Variants in PRKAG2 observed in about 807,000 individuals in gnomAD.
The protein encoded by PRKAG2 is protein kinase AMP-activated non-catalytic subunit gamma 2.
PRKAG2 carries 26 observed loss-of-function variants against 69.6 expected under a neutral mutation model. The ratio of observed to expected loss-of-function variants is 0.37; its 90% CI spans 0.27 to 0.52. PRKAG2 has a LOEUF of 0.52. PRKAG2 is among the 20% of genes least tolerant of loss of function. The pLI is 0.90. For synonymous variants in PRKAG2, 293 were observed against 285.0 expected (o/e 1.03, Z -0.28); for missense variants, 557 against 740.0 (o/e 0.75, Z 2.87).
chr7:151,647,406 A>G (rs1441918476), intron 4 of PRKAG2, among the ~76,000 whole-genome samples: 1 of 152,250 alleles, frequency 6.6e-6, no homozygotes, highest in Non-Finnish European at 1.5e-5. Context: ...ATTAGGTGAC[A>G]GTTATAATTG....
intron 3 of PRKAG2, among the ~76,000 whole-genome samples, chr7:151,722,945 T>G (rs1797353596): frequency 6.6e-6 from 1 of 152,086 alleles, no homozygotes; most frequent in African/African-American, 2.4e-5. Flanking sequence ...CCTCTTTTCT[T>G]AGGTCTCTGC....
chr7:151,633,942 T>A (rs898661599), intron 4 of PRKAG2, among the ~76,000 whole-genome samples: 8 of 152,196 alleles, frequency 5.3e-5, no homozygotes, highest in Non-Finnish European at 2.9e-5. Flanking sequence ...TATTTATTAT[T>A]TTTTTGAGAC....
intron 1 of PRKAG2, among the ~76,000 whole-genome samples, chr7:151,845,451 C>T (rs981988717): frequency 1.6e-4 from 13 of 81,382 alleles, no homozygotes; most frequent in African/African-American, 2.1e-4. Flanking sequence ...ACCTACTGAA[C>T]GGAAAACTCG....
chr7:151,714,209 C>T (rs569713727), intron 3 of PRKAG2, among the ~76,000 whole-genome samples: 3 of 152,288 alleles, frequency 2.0e-5, no homozygotes, highest in Admixed American at 6.5e-5. Context: ...ACAGAGTCAG[C>T]GCTCATTAAA....
intron 3 of PRKAG2, among the ~76,000 whole-genome samples, chr7:151,677,337 C>T (rs1463269823): frequency 6.6e-6 from 1 of 152,126 alleles, no homozygotes; most frequent in Non-Finnish European, 1.5e-5. Flanking sequence ...CAGGCACCTG[C>T]CACCAGGCCT....
At chr7:151,785,531 A>G (rs1029353666) in intron 2 of PRKAG2, among the ~76,000 whole-genome samples, 14 of 152,234 alleles carry the variant, frequency 9.2e-5, no homozygotes, top group Admixed American at 1.3e-4. Context: ...GCCGACACCA[A>G]TTTGATTCAG....
chr7:151,773,317 G>A lies in PRKAG2; in HGVS notation c.466+7835C>T, dbSNP rs1283902545. Among the ~76,000 whole-genome samples the A allele has an allele frequency of 5.3e-5, 8 of 152,104 alleles. 1 individual carries two copies. Among genetic ancestry groups the A allele is most frequent in the East Asian group, 3.9e-4 (2 of 5,186 alleles). ...AGGAGCCACTTTTATCTATTTTTTC[G>A]TAAATGGCTAGCTGGCTATCCCATT... On this transcript the variant is annotated intron_variant, in intron 3 of 15. Transcript: ENST00000287878.
At chr7:151,813,842 A>G (rs2078550443) in intron 1 of PRKAG2, among the ~76,000 whole-genome samples, 1 of 152,248 alleles carries the variant, frequency 6.6e-6, no homozygotes, top group Non-Finnish European at 1.5e-5. Flanking sequence ...CAGGAGGCCA[A>G]GATACCCTTC....
intron 1 of PRKAG2, chr7:151,790,782 A>G (rs944871492): frequency 6.6e-6 from 1 of 152,290 alleles, no homozygotes; most frequent in African/African-American, 2.4e-5. Flanking sequence ...CAGTTTCCAC[A>G]TGCAGAAGCT....
chr7:151,672,632 C>T (rs1242728081), intron 4 of PRKAG2, among the ~76,000 whole-genome samples: 1 of 151,956 alleles, frequency 6.6e-6, no homozygotes, highest in Non-Finnish European at 1.5e-5. Context: ...ATGCAGTATG[C>T]GTCCTTTTGT....
intron 3 of PRKAG2, among the ~76,000 whole-genome samples, chr7:151,765,405 C>T (rs1242250596): frequency 6.6e-6 from 1 of 152,206 alleles, no homozygotes; most frequent in Non-Finnish European, 1.5e-5. Context: ...CACCTCCCAC[C>T]AGGCCCCTCC....
intron 1 of PRKAG2, among the ~76,000 whole-genome samples, chr7:151,874,722 C>CA (rs998535203): frequency 1.5e-4 from 22 of 151,606 alleles, no homozygotes; most frequent in African/African-American, 4.6e-4. Flanking sequence ...CTCATGTCTA[C>CA]AAAAAAAATA....
intron 3 of PRKAG2, among the ~76,000 whole-genome samples, chr7:151,692,162 T>C (rs1835762613): frequency 6.6e-6 from 1 of 151,782 alleles, no homozygotes; most frequent in African/African-American, 2.4e-5. Context: ...CACTACAGCC[T>C]GGGCGACAAA....
chr7:151,661,037 G>A (rs1441867372), intron 4 of PRKAG2, among the ~76,000 whole-genome samples: 3 of 152,196 alleles, frequency 2.0e-5, no homozygotes, highest in Non-Finnish European at 4.4e-5. Flanking sequence ...GTTTTTAAAA[G>A]AGAGAACCAA....
intron 6 of PRKAG2, among the ~76,000 whole-genome samples, chr7:151,585,711 C>T (rs930874896): frequency 6.6e-6 from 1 of 152,218 alleles, no homozygotes; most frequent in African/African-American, 2.4e-5. Context: ...TAGATGATGC[C>T]ATCAATGAAA....
intron 3 of PRKAG2, among the ~76,000 whole-genome samples, chr7:151,768,564 C>A (rs1180736604): frequency 2.6e-5 from 4 of 152,166 alleles, no homozygotes; most frequent in Non-Finnish European, 4.4e-5. Flanking sequence ...CTCCTGAGTT[C>A]AAGCGATCCT....
At chr7:151,792,760 C>T (rs569694502) in intron 1 of PRKAG2, among the ~76,000 whole-genome samples, 7 of 152,244 alleles carry the variant, frequency 4.6e-5, no homozygotes, top group African/African-American at 9.6e-5. Context: ...TGATTCCAAC[C>T]GAGGAAGCAA....
At chr7:151,843,002 G>C (rs376008671) in intron 1 of PRKAG2, among the ~76,000 whole-genome samples, 6 of 152,032 alleles carry the variant, frequency 3.9e-5, no homozygotes, top group East Asian at 1.9e-4. Context: ...GAATCTGGGT[G>C]TATCTGTGCA....
chr7:151,644,306 T>A (rs1455716773), intron 4 of PRKAG2, among the ~76,000 whole-genome samples: 10 of 151,936 alleles, frequency 6.6e-5, no homozygotes, highest in East Asian at 3.9e-4. Context: ...ATAGAGAAAA[T>A]TTTTTTATCA....
Sources: gnomAD v4.1 joint callset for allele counts (sites outside exome capture counted in the v4.1 genomes callset) on GRCh38, gnomAD v4.1.1 for gene constraint, MANE v1.5 for transcripts, NCBI Gene and HGNC (gene_info 2026-07-23, HGNC 2026-07-21) for gene names.